CPNE2: variants seen among roughly 807,000 people sequenced by gnomAD.
CPNE2 encodes the protein copine-2.
A neutral mutation model predicts 69.7 loss-of-function variants in CPNE2; 42 were observed. That is an observed-to-expected ratio of 0.60 (90% CI 0.47 to 0.78). The LOEUF (loss-of-function observed/expected upper bound fraction) is 0.78. CPNE2 is among the 30% of genes least tolerant of loss of function. The pLI, the probability that CPNE2 is intolerant of heterozygous loss-of-function variation, is 0.00. For synonymous variants in CPNE2, 294 were observed against 289.8 expected (o/e 1.01, Z -0.15); for missense variants, 587 against 732.0 (o/e 0.80, Z 2.29).
Position 57,113,423 on chromosome 16 carries a change from G to A in CPNE2, c.316G>A (p.Asp106Asn), listed in dbSNP as rs1318164486. The A allele has an allele frequency of 9.3e-6, 15 of 1,614,120 alleles. No homozygotes were observed. Among genetic ancestry groups the A allele is most frequent in the Non-Finnish European group, 1.3e-5 (15 of 1,179,998 alleles). ...CCAGGACAAGTCCAGTATGCGGCTG[G>A]ACGAGCATGACTTCCTGGGCCAGTT... is the stretch of plus-strand genomic sequence containing the variant. ...FDQDKSSMRL[D>N]EHDFLGQFSC... is the part of the protein sequence containing the mutation. Residue 106 changes from aspartate (D) to asparagine (N), a missense_variant, in exon 3 of 16, where the codon GAC (aspartate) becomes AAC (asparagine). Transcript: ENST00000290776.
intron 14 of CPNE2, among the ~76,000 whole-genome samples, chr16:57,139,610 C>G (rs757317458): frequency 1.3e-5 from 2 of 152,160 alleles, no homozygotes; most frequent in Non-Finnish European, 2.9e-5. Context: ...CAGGAATGAA[C>G]AAGGACAGTT....
intron 5 of CPNE2, among the ~76,000 whole-genome samples, chr16:57,118,622 GC>G (rs2069737559): frequency 6.6e-6 from 1 of 151,816 alleles, no homozygotes; most frequent in African/African-American, 2.4e-5. Context: ...TTTGAGACCA[GC>G]CTGGGCAATA....
At chr16:57,096,746 G>A (rs1177383061) in intron 1 of CPNE2, among the ~76,000 whole-genome samples, 1 of 151,788 alleles carries the variant, frequency 6.6e-6, no homozygotes, top group Non-Finnish European at 1.5e-5. Context: ...AGGAAAGAGG[G>A]ATTGCAGGAG....
Position 57,137,139 on chromosome 16 carries a change from C to T in CPNE2, c.1169-10C>T. ...AGACCTGGCTGATCCAGACTCTTCTCCCGAGGCAGGTGTGGATGGTATTGC... is the reference window on the plus strand; with the variant it reads ...AGACCTGGCTGATCCAGACTCTTCTTCCGAGGCAGGTGTGGATGGTATTGC... On this transcript the variant is annotated splice_polypyrimidine_tract_variant and intron_variant, in intron 13 of 15. Coordinates refer to ENST00000290776, the MANE Select transcript of CPNE2 (RefSeq NM_152727.6). The T allele has an allele frequency of 6.2e-7, 1 of 1,613,364 alleles. No individual in the cohort carries two copies.
intron 12 of CPNE2, among the ~76,000 whole-genome samples, chr16:57,132,832 G>A (rs1443114143): frequency 1.3e-5 from 2 of 152,132 alleles, no homozygotes; most frequent in African/African-American, 4.8e-5. Context: ...GCTATGAAAT[G>A]GAGTTGCTGG....
At chr16:57,136,334 C>G (rs1182210752) in intron 13 of CPNE2, among the ~76,000 whole-genome samples, 10 of 152,214 alleles carry the variant, frequency 6.6e-5, no homozygotes, top group African/African-American at 2.4e-4. Context: ...GGGCAGTGTG[C>G]TCATAACAGC....
intron 14 of CPNE2, among the ~76,000 whole-genome samples, chr16:57,140,739 A>G (rs890815830): frequency 6.6e-6 from 1 of 151,248 alleles, no homozygotes; most frequent in Non-Finnish European, 1.5e-5. Context: ...TAATTTTTGT[A>G]TTTTTAGTAG....
chr16:57,112,408 A>G (rs1319935661), intron 2 of CPNE2, among the ~76,000 whole-genome samples: 1 of 151,594 alleles, frequency 6.6e-6, no homozygotes, highest in Non-Finnish European at 1.5e-5. Flanking sequence ...GACTCATAGC[A>G]CAATCCCCCA....
At chr16:57,124,700 G>T (rs956056777) in intron 10 of CPNE2, 5 of 247,440 alleles carry the variant, frequency 2.0e-5, no homozygotes, top group African/African-American at 4.5e-5. Context: ...AGCTGCTGGG[G>T]TGCCACGCTC....
intron 14 of CPNE2, among the ~76,000 whole-genome samples, chr16:57,138,951 G>A (rs2069902509): frequency 6.6e-6 from 1 of 152,244 alleles, no homozygotes; most frequent in Non-Finnish European, 1.5e-5. Flanking sequence ...ACTTCCGGGA[G>A]GTGGTGGGAA....
At chr16:57,120,762 A>G (rs937888295) in intron 7 of CPNE2, among the ~76,000 whole-genome samples, 2 of 152,184 alleles carry the variant, frequency 1.3e-5, no homozygotes, top group East Asian at 3.9e-4. Context: ...CTCAGAAAAA[A>G]ATATGTCTAG....
chr16:57,144,415 G>A (rs2069942825), intron 14 of CPNE2: 1 of 152,314 alleles, frequency 6.6e-6, no homozygotes, highest in Non-Finnish European at 1.5e-5. Context: ...CCTCCCCAGG[G>A]AACAAGTGGC....
intron 1 of CPNE2, among the ~76,000 whole-genome samples, chr16:57,105,703 C>T (rs1224406569): frequency 6.6e-6 from 1 of 152,158 alleles, no homozygotes; most frequent in Non-Finnish European, 1.5e-5. Flanking sequence ...CCTCTCTTTG[C>T]CTCAGTTGAC....
intron 1 of CPNE2, among the ~76,000 whole-genome samples, chr16:57,099,858 C>T (rs2069602439): frequency 6.6e-6 from 1 of 150,996 alleles, no homozygotes; most frequent in Non-Finnish European, 1.5e-5. Context: ...TCACTGCAAC[C>T]TCTGCCTCCT....
At chr16:57,134,937 C>A (rs2069867530) in intron 13 of CPNE2, 111 bp downstream of exon 13, 2 of 1,174,656 alleles carry the variant, frequency 1.7e-6, no homozygotes, top group African/African-American at 1.5e-5. Context: ...CTTTCCCCTC[C>A]CCCTTACTGT....
chr16:57,115,468 T>C lies in CPNE2; in HGVS notation c.361-8T>C. ...CTCACTGAGCGCCCTTTCTCCTCTC[T>C]CCCCTAGATCGTCTCCAGCAAGAAG... On this transcript the variant is annotated splice_polypyrimidine_tract_variant and splice_region_variant and intron_variant, in intron 3 of 15. Coordinates refer to ENST00000290776, the MANE Select transcript of CPNE2 (RefSeq NM_152727.6). The C allele has an allele frequency of 6.2e-7, 1 of 1,606,686 alleles. No homozygotes were observed. Among genetic ancestry groups the C allele is most frequent in the Non-Finnish European group, 8.5e-7 (1 of 1,176,198 alleles).
chr16:57,095,782 T>C (rs2069574925), intron 1 of CPNE2, among the ~76,000 whole-genome samples: 2 of 152,194 alleles, frequency 1.3e-5, no homozygotes, highest in Non-Finnish European at 2.9e-5. Context: ...ATTTCTTACT[T>C]ATCTGGCCAC....
intron 7 of CPNE2, among the ~76,000 whole-genome samples, chr16:57,120,635 A>T (rs1545614): frequency 3.6e-4 from 54 of 151,986 alleles, no homozygotes; most frequent in African/African-American, 1.2e-3. Context: ...GGGCAGGTAC[A>T]TCTCTTTCAG....
At chr16:57,135,383 T>C (rs187219253) in intron 13 of CPNE2, among the ~76,000 whole-genome samples, 1 of 152,208 alleles carries the variant, frequency 6.6e-6, no homozygotes, top group Admixed American at 6.5e-5. Flanking sequence ...AAGAAACTAT[T>C]AGAGGCCGGA....
Sources: gnomAD v4.1 joint callset for allele counts (sites outside exome capture counted in the v4.1 genomes callset) on GRCh38, gnomAD v4.1.1 for gene constraint, MANE v1.5 for transcripts, NCBI Gene and HGNC (gene_info 2026-07-23, HGNC 2026-07-21) for gene names.